IMMP2L: variants seen among roughly 807,000 people sequenced by gnomAD.
IMMP2L encodes mitochondrial inner membrane protease subunit 2.
Under a neutral mutation model 19.3 loss-of-function variants are expected in IMMP2L, and 18 were observed. The ratio of observed to expected loss-of-function variants is 0.93; its 90% CI spans 0.64 to 1.38. The LOEUF (loss-of-function observed/expected upper bound fraction) is 1.38, where lower values mean the gene tolerates loss of function less well. IMMP2L is among the 40% of genes most tolerant of loss of function. IMMP2L has a pLI of 0.00. For synonymous variants in IMMP2L, 76 were observed against 73.0 expected (o/e 1.04, Z -0.21); for missense variants, 233 against 218.2 (o/e 1.07, Z -0.43).
At chr7:110,811,808 C>T (rs981556229) in intron 5 of IMMP2L, among the ~76,000 whole-genome samples, 5 of 151,976 alleles carry the variant, frequency 3.3e-5, no homozygotes, top group Non-Finnish European at 5.9e-5. Flanking sequence ...AACCACCCTT[C>T]CCTAGTTGTT....
chr7:111,422,555 G>T (rs1286774661), intron 3 of IMMP2L, among the ~76,000 whole-genome samples: 2 of 151,764 alleles, frequency 1.3e-5, no homozygotes, highest in African/African-American at 2.4e-5. Flanking sequence ...TGTGATTTTT[G>T]CACATTGGTT....
chr7:111,096,072 T>A (rs1797366280), intron 3 of IMMP2L, among the ~76,000 whole-genome samples: 1 of 152,028 alleles, frequency 6.6e-6, no homozygotes, highest in Non-Finnish European at 1.5e-5. Flanking sequence ...TTGACTCAAC[T>A]TGTAAGAAGG....
intron 4 of IMMP2L, among the ~76,000 whole-genome samples, chr7:110,931,617 C>A (rs778139632): frequency 3.9e-5 from 6 of 152,154 alleles, no homozygotes; most frequent in Non-Finnish European, 7.3e-5. Context: ...TCTCCCTGGC[C>A]CGAGTCACCA....
chr7:110,916,671 G>A (rs1303993909), intron 4 of IMMP2L, among the ~76,000 whole-genome samples: 1 of 152,164 alleles, frequency 6.6e-6, no homozygotes, highest in East Asian at 1.9e-4. Context: ...CCAAATAATT[G>A]TAAGAGCAAA....
At chr7:110,999,318 TC>T (rs1414682657) in intron 3 of IMMP2L, among the ~76,000 whole-genome samples, 1 of 90,330 alleles carries the variant, frequency 1.1e-5, no homozygotes, top group African/African-American at 4.4e-5. Flanking sequence ...TTTTTTTTTC[TC>T]ATTTTCCATG....
At chr7:110,753,454 G>A (rs972979967) in intron 5 of IMMP2L, among the ~76,000 whole-genome samples, 1 of 151,926 alleles carries the variant, frequency 6.6e-6, no homozygotes, top group East Asian at 1.9e-4. Context: ...CATTTAACTT[G>A]TATGACCAAA....
At chr7:111,000,016 G>T (rs1469430036) in intron 3 of IMMP2L, among the ~76,000 whole-genome samples, 1 of 152,120 alleles carries the variant, frequency 6.6e-6, no homozygotes, top group Non-Finnish European at 1.5e-5. Flanking sequence ...CACACTAAAA[G>T]CCTGAGTTTT....
At chr7:111,425,133 CCTTT>C (rs1208845755) in intron 3 of IMMP2L, among the ~76,000 whole-genome samples, 1 of 151,704 alleles carries the variant, frequency 6.6e-6, no homozygotes, top group Non-Finnish European at 1.5e-5. Flanking sequence ...GATTGCTTCC[CCTTT>C]CTGTTTTTCA....
chr7:111,497,012 C>T (rs1585356435), intron 2 of IMMP2L, among the ~76,000 whole-genome samples: 1 of 152,052 alleles, frequency 6.6e-6, no homozygotes, highest in Non-Finnish European at 1.5e-5. Flanking sequence ...CTTTTAAAAG[C>T]AAGCCTGTAA....
intron 3 of IMMP2L, among the ~76,000 whole-genome samples, chr7:111,052,145 C>A (rs1336334725): frequency 6.6e-6 from 1 of 152,170 alleles, no homozygotes; most frequent in Non-Finnish European, 1.5e-5. Context: ...TATTTTATCC[C>A]AAAATATATT....
chr7:110,686,218 TAAG>T (rs1303105295), intron 5 of IMMP2L, among the ~76,000 whole-genome samples: 6 of 152,104 alleles, frequency 3.9e-5, no homozygotes, highest in Non-Finnish European at 8.8e-5. Context: ...CTGCAAAAGA[TAAG>T]TAGCTACCCT....
At chr7:111,039,771 T>C (rs1791710913) in intron 3 of IMMP2L, among the ~76,000 whole-genome samples, 1 of 152,134 alleles carries the variant, frequency 6.6e-6, no homozygotes, top group Admixed American at 6.5e-5. Flanking sequence ...CGTGTGCAAA[T>C]TTTACCTAAG....
At chr7:111,222,426 C>T (rs1056937386) in intron 3 of IMMP2L, among the ~76,000 whole-genome samples, 2 of 151,536 alleles carry the variant, frequency 1.3e-5, no homozygotes, top group Non-Finnish European at 1.5e-5. Flanking sequence ...TTATGACAAA[C>T]AGATGATTAT....
At chr7:111,005,373 C>A (rs923306610) in intron 3 of IMMP2L, among the ~76,000 whole-genome samples, 1 of 152,066 alleles carries the variant, frequency 6.6e-6, no homozygotes, top group Non-Finnish European at 1.5e-5. Flanking sequence ...TAAAGTAGCT[C>A]TCGGAAATTA....
At chr7:111,357,961 C>T (rs1003139823) in intron 3 of IMMP2L, among the ~76,000 whole-genome samples, 2 of 151,798 alleles carry the variant, frequency 1.3e-5, no homozygotes, top group Admixed American at 1.3e-4. Flanking sequence ...CTGATTTCTG[C>T]AAGCCACAGC....
intron 5 of IMMP2L, among the ~76,000 whole-genome samples, chr7:110,752,997 C>T (rs377029206): frequency 5.9e-5 from 9 of 152,054 alleles, no homozygotes; most frequent in Non-Finnish European, 1.2e-4. Context: ...CACACTAACA[C>T]TTGTTTATCA....
intron 3 of IMMP2L, among the ~76,000 whole-genome samples, chr7:111,185,438 G>A (rs1022911819): frequency 2.0e-5 from 3 of 152,098 alleles, no homozygotes; most frequent in East Asian, 1.9e-4. Flanking sequence ...AAATATACCC[G>A]GAGAAATTCC....
intron 3 of IMMP2L, among the ~76,000 whole-genome samples, chr7:111,238,510 A>G (rs577939441): frequency 6.6e-6 from 1 of 152,100 alleles, no homozygotes; most frequent in South Asian, 2.1e-4. Flanking sequence ...CATCAAATAC[A>G]AGGTTATAGA....
At chr7:111,079,069 G>A (rs1795658420) in intron 3 of IMMP2L, among the ~76,000 whole-genome samples, 1 of 151,640 alleles carries the variant, frequency 6.6e-6, no homozygotes, top group African/African-American at 2.4e-5. Flanking sequence ...TAACATAGAA[G>A]GAATCAAAAT....
Sources: gnomAD v4.1 joint callset for allele counts (sites outside exome capture counted in the v4.1 genomes callset) on GRCh38, gnomAD v4.1.1 for gene constraint, MANE v1.5 for transcripts, NCBI Gene and HGNC (gene_info 2026-07-23, HGNC 2026-07-21) for gene names.